NPL: variants seen among roughly 807,000 people sequenced by gnomAD.
The protein encoded by NPL is N-acetylneuraminate pyruvate lyase.
NPL carries 32 observed loss-of-function variants against 41.1 expected under a neutral mutation model. The observed-to-expected ratio is 0.78, with a 90% CI of 0.59 to 1.05. The LOEUF (loss-of-function observed/expected upper bound fraction) is 1.05. NPL is among the 50% of genes least tolerant of loss of function. The pLI is 0.00. For synonymous variants in NPL, 128 were observed against 134.9 expected (o/e 0.95, Z 0.35); for missense variants, 321 against 378.4 (o/e 0.85, Z 1.26).
intron 5 of NPL, among the ~76,000 whole-genome samples, chr1:182,811,210 A>G (rs1667166489): frequency 6.6e-6 from 1 of 152,092 alleles, no homozygotes; most frequent in African/African-American, 2.4e-5. Context: ...TCTTTCCATT[A>G]GAATTTATTA....
chr1:182,814,868 T>C lies in NPL; in HGVS notation c.364+10T>C, dbSNP rs769003543. On this transcript the variant is annotated intron_variant, in intron 7 of 12. Coordinates refer to ENST00000367553, the MANE Select transcript of NPL (RefSeq NM_030769.3). ...AAGCCATGGACCAAAGGTAAGTAGATAGGTCTGAATGCATGGCATCTCACA... is the reference window on the plus strand; with the variant it reads ...AAGCCATGGACCAAAGGTAAGTAGACAGGTCTGAATGCATGGCATCTCACA... 1.9e-6 allele frequency: 3 copies of C among 1,606,994 alleles called. No homozygotes were observed. In the South Asian group the frequency reaches 3.3e-5, roughly 18 times the overall value.
chr1:182,814,977 G>T (rs41268522), intron 7 of NPL, 119 bp downstream of exon 7: 2 of 781,188 alleles, frequency 2.6e-6, no homozygotes, highest in Non-Finnish European at 4.4e-6. Context: ...GCTTGAAGTC[G>T]CAATGGTACA....
At position 182,822,150 on chromosome 1, in the gene NPL, T is replaced by C; in HGVS notation, c.689T>C (p.Met230Thr). 4 of 1,613,802 alleles carry C rather than the reference T, an allele frequency of 2.5e-6. No individual in the cohort carries two copies. Among genetic ancestry groups the C allele is most frequent in the Non-Finnish European group, 3.4e-6 (4 of 1,179,654 alleles). The change falls in exon 11 of 13, where the codon ATG becomes ACG. Residue 230 changes from methionine (M) to threonine (T), a missense_variant. Coordinates refer to ENST00000367553, the MANE Select transcript of NPL (RefSeq NM_030769.3). ...TACCTGGGAAAAAAGACAAACCAGA[T>C]GTTGGAGGCTTTTGAACAAAAGGAC... ...YNYLGKKTNQ[M>T]LEAFEQKDFS... is the part of the protein sequence containing the mutation.
intron 2 of NPL, among the ~76,000 whole-genome samples, chr1:182,794,085 T>C (rs1260766492): frequency 6.6e-6 from 1 of 152,224 alleles, no homozygotes; most frequent in Non-Finnish European, 1.5e-5. Flanking sequence ...TGTTAACCTC[T>C]ATCCTTTGAG....
chr1:182,806,117 C>T (rs1239361364), intron 4 of NPL, 28 bp from the exon 5 acceptor site: 7 of 1,613,834 alleles, frequency 4.3e-6, no homozygotes, highest in Non-Finnish European at 8.5e-7. Flanking sequence ...GCTCCTTGGT[C>T]CTGCTGACTT....
chr1:182,818,810 T>A lies in NPL; in HGVS notation c.607-3T>A. On this transcript the variant is annotated splice_region_variant and splice_polypyrimidine_tract_variant and intron_variant, in intron 9 of 12. Coordinates refer to ENST00000367553, the MANE Select transcript of NPL (RefSeq NM_030769.3). Reference sequence around the variant, plus strand: ...CAAGTGAATATTTTTTGTTTCTGATTAGCAACTGTTGAGTGCTCTGGTGAT... The same window carrying A: ...CAAGTGAATATTTTTTGTTTCTGATAAGCAACTGTTGAGTGCTCTGGTGAT... The A allele has an allele frequency of 6.2e-7, 1 of 1,614,118 alleles. No homozygotes were observed. Among genetic ancestry groups the A allele is most frequent in the African/African-American group, 1.3e-5 (1 of 75,042 alleles).
At chr1:182,799,545 T>C (rs1384604672) in intron 3 of NPL, among the ~76,000 whole-genome samples, 1 of 152,114 alleles carries the variant, frequency 6.6e-6, no homozygotes, top group African/African-American at 2.4e-5. Context: ...GGGTTTTCTT[T>C]TTTTATTGTA....
At chr1:182,825,735 T>C (rs367915578) in intron 11 of NPL, 46 bp from the exon 12 acceptor site, 62 of 1,232,208 alleles carry the variant, frequency 5.0e-5, no homozygotes, top group Non-Finnish European at 6.9e-5. Context: ...TTACATTGTT[T>C]ACACAGTTCA....
At chr1:182,822,964 G>A (rs1667530046) in intron 11 of NPL, among the ~76,000 whole-genome samples, 1 of 152,148 alleles carries the variant, frequency 6.6e-6, no homozygotes, top group South Asian at 2.1e-4. Flanking sequence ...ATCCTCCTGG[G>A]CTCAAGCAGT....
intron 5 of NPL, among the ~76,000 whole-genome samples, chr1:182,807,463 A>T (rs1164270017): frequency 6.6e-6 from 1 of 152,156 alleles, no homozygotes; most frequent in African/African-American, 2.4e-5. Flanking sequence ...TTGAGTGCAT[A>T]TCCACAGAAG....
intron 11 of NPL, 70 bp from the exon 12 acceptor site, chr1:182,825,711 G>T: frequency 9.3e-7 from 1 of 1,076,326 alleles, no homozygotes; most frequent in South Asian, 1.3e-5. Context: ...TCTGTAATTT[G>T]ACTTCTACAT....
intron 3 of NPL, among the ~76,000 whole-genome samples, chr1:182,798,006 T>C (rs1666724358): frequency 6.6e-6 from 1 of 152,222 alleles, no homozygotes; most frequent in Non-Finnish European, 1.5e-5. Flanking sequence ...CAAACACTGA[T>C]TGATGCTATG....
chr1:182,824,159 G>A (rs1171105122), intron 11 of NPL, among the ~76,000 whole-genome samples: 1 of 152,102 alleles, frequency 6.6e-6, no homozygotes, highest in Non-Finnish European at 1.5e-5. Context: ...AACAGCAAAA[G>A]ATAAAAACAG....
intron 12 of NPL, chr1:182,826,160 AG>A (rs1667625553): frequency 2.7e-6 from 1 of 374,258 alleles, no homozygotes; most frequent in African/African-American, 2.0e-5. Context: ...GGAGGAAGGC[AG>A]TCTAAATACA....
intron 8 of NPL, among the ~76,000 whole-genome samples, chr1:182,818,312 A>G (rs1473303376): frequency 6.6e-6 from 1 of 152,146 alleles, no homozygotes; most frequent in Non-Finnish European, 1.5e-5. Context: ...CCAAATATAT[A>G]TTTACACTTC....
intron 5 of NPL, among the ~76,000 whole-genome samples, chr1:182,807,073 C>T (rs913868604): frequency 1.3e-5 from 2 of 152,140 alleles, no homozygotes; most frequent in African/African-American, 2.4e-5. Flanking sequence ...CTCCTGATTT[C>T]GTGATCCACC....
At chr1:182,806,037 C>T (rs369744411) in intron 4 of NPL, 108 bp from the exon 5 acceptor site, 4 of 1,315,960 alleles carry the variant, frequency 3.0e-6, no homozygotes, top group African/African-American at 2.9e-5. Flanking sequence ...GCATTTTCCC[C>T]TCCTGACCAT....
intron 3 of NPL, among the ~76,000 whole-genome samples, chr1:182,794,783 A>C (rs1666611647): frequency 6.6e-6 from 1 of 152,242 alleles, no homozygotes; most frequent in Non-Finnish European, 1.5e-5. Context: ...GCATTGGATG[A>C]GAATCCCATT....
At position 182,830,343 on chromosome 1, in the gene NPL, A is replaced by G. The variant is rs1290539916; in HGVS notation, c.*1435A>G. The G allele has an allele frequency of 6.6e-6, 1 of 152,222 alleles. No homozygotes were observed. Among genetic ancestry groups the G allele is most frequent in the Admixed American group, 6.5e-5 (1 of 15,292 alleles). The allele number at this position is 152,222 out of a possible 1,614,324, so 9.4% of individuals were successfully genotyped here. On this transcript the variant is annotated 3_prime_UTR_variant, in exon 13 of 13. Coordinates refer to ENST00000367553, the MANE Select transcript of NPL (RefSeq NM_030769.3). ...ACTAAAGCCAAATTTAAATTCTAAA[A>G]TTAATTCTTGGGTATCCAATAAACA...
Sources: gnomAD v4.1 joint callset for allele counts (sites outside exome capture counted in the v4.1 genomes callset) on GRCh38, gnomAD v4.1.1 for gene constraint, MANE v1.5 for transcripts, NCBI Gene and HGNC (gene_info 2026-07-23, HGNC 2026-07-21) for gene names.